HACD1: variants seen among roughly 807,000 people sequenced by gnomAD.
HACD1 encodes 3-hydroxyacyl-CoA dehydratase 1.
HACD1 carries 41 observed loss-of-function variants against 32.0 expected under a neutral mutation model. The observed-to-expected ratio is 1.28, with a 90% CI of 1.00 to 1.66. The LOEUF is 1.66. Ranked by LOEUF, HACD1 falls within the 40% of genes most tolerant of loss-of-function variation. The pLI is 0.00. For missense variants in HACD1, 396 were observed against 380.1 expected (o/e 1.04, Z -0.35); for synonymous variants, 142 against 139.0 (o/e 1.02, Z -0.15).
chr10:17,596,003 T>C (rs1312818592), intron 5 of HACD1, among the ~76,000 whole-genome samples: 1 of 151,954 alleles, frequency 6.6e-6, no homozygotes, highest in Non-Finnish European at 1.5e-5. Context: ...ATAAATTTAA[T>C]TTAAAAAAAG....
chr10:17,605,530 A>G (rs868944641), intron 1 of HACD1, among the ~76,000 whole-genome samples: 4,923 of 149,656 alleles, frequency 0.033, 115 homozygotes, highest in Middle Eastern at 0.052. Flanking sequence ...ATCTCGGGAA[A>G]AAAAAAAAAA....
chr10:17,613,032 T>C (rs550899630), intron 1 of HACD1, among the ~76,000 whole-genome samples: 2 of 152,256 alleles, frequency 1.3e-5, no homozygotes, highest in African/African-American at 4.8e-5. Flanking sequence ...TAACAAGCTG[T>C]ATTTTACATT....
intron 5 of HACD1, chr10:17,599,085 A>G (rs555090777): frequency 2.1e-6 from 2 of 974,912 alleles, no homozygotes; most frequent in East Asian, 6.9e-5. Flanking sequence ...TTCACTCAAA[A>G]TATTTATTAA....
chr10:17,597,891 A>C (rs1345285769), intron 5 of HACD1, among the ~76,000 whole-genome samples: 6 of 152,194 alleles, frequency 3.9e-5, no homozygotes, highest in African/African-American at 1.2e-4. Context: ...ATAATTTCAA[A>C]GTATCTCATC....
At chr10:17,594,937 C>A (rs1196048627) in intron 5 of HACD1, among the ~76,000 whole-genome samples, 3 of 151,748 alleles carry the variant, frequency 2.0e-5, no homozygotes, top group Non-Finnish European at 4.4e-5. Context: ...TGGGTCACTG[C>A]AACCTCCACC....
At chr10:17,608,305 G>A (rs1028654889) in intron 1 of HACD1, among the ~76,000 whole-genome samples, 4 of 152,158 alleles carry the variant, frequency 2.6e-5, no homozygotes, top group South Asian at 2.1e-4. Context: ...TGGGATTACC[G>A]GTGTGAGCCA....
intron 6 of HACD1, among the ~76,000 whole-genome samples, chr10:17,593,981 T>A (rs986075116): frequency 4.6e-5 from 7 of 152,220 alleles, no homozygotes; most frequent in Non-Finnish European, 1.0e-4. Context: ...AAAGCAATAA[T>A]CCATGCGTTA....
rs565842287 is a variant in HACD1 at position 17,590,438 on chromosome 10, G to A, written c.793C>T (p.Gln265Ter). Residue 265 changes from glutamine (Q) to a stop codon, truncating the protein, a stop_gained, in exon 7 of 7, where the codon CAA (glutamine) becomes TAA (stop). Coordinates refer to ENST00000361271, the MANE Select transcript of HACD1 (RefSeq NM_014241.4). LOFTEE classifies it high-confidence loss of function. Reference sequence around the variant, plus strand: ...TGACGTAACATATGAAAATAGAGTTGTGGAAACACTTCATTGAAAAAGAAA... The same window carrying A: ...TGACGTAACATATGAAAATAGAGTTATGGAAACACTTCATTGAAAAAGAAA... ...TMASYIPLFP[Q>*]LYFHMLRQRR... is the part of the protein sequence containing the mutation. The A allele has an allele frequency of 1.2e-5, 19 of 1,584,794 alleles. No individual in the cohort carries two copies. The highest frequency in any genetic ancestry group is 1.5e-5 in the Non-Finnish European group (18 of 1,161,872).
At chr10:17,590,552 C>A in intron 6 of HACD1, 106 bp from the exon 7 acceptor site, 1 of 703,102 alleles carries the variant, frequency 1.4e-6, no homozygotes, top group South Asian at 2.2e-5. Flanking sequence ...CATCCCATAC[C>A]ACTGCTGTTC....
chr10:17,602,701 A>G (rs1834088210), intron 4 of HACD1, among the ~76,000 whole-genome samples: 1 of 152,152 alleles, frequency 6.6e-6, no homozygotes, highest in Non-Finnish European at 1.5e-5. Context: ...CAATTTTCAA[A>G]TATACAATAC....
At chr10:17,614,404 G>A (rs1287706628) in intron 1 of HACD1, among the ~76,000 whole-genome samples, 1 of 152,284 alleles carries the variant, frequency 6.6e-6, no homozygotes, top group South Asian at 2.1e-4. Context: ...TTACAGGCCT[G>A]TGCCACCATG....
intron 6 of HACD1, among the ~76,000 whole-genome samples, chr10:17,592,659 C>G (rs1833943848): frequency 6.6e-6 from 1 of 152,050 alleles, no homozygotes; most frequent in Non-Finnish European, 1.5e-5. Flanking sequence ...GGAAGAGAAC[C>G]CACTGTTTGA....
At chr10:17,597,471 T>G (rs570724682) in intron 5 of HACD1, among the ~76,000 whole-genome samples, 16 of 152,308 alleles carry the variant, frequency 1.1e-4, no homozygotes, top group African/African-American at 3.1e-4. Flanking sequence ...ACAGCAAATT[T>G]AAACATACGA....
rs782459452 is a variant in HACD1 at position 17,589,351 on chromosome 10, T to C, written c.*1013A>G. On this transcript the variant is annotated 3_prime_UTR_variant, in exon 7 of 7. Coordinates refer to ENST00000361271, the MANE Select transcript of HACD1 (RefSeq NM_014241.4). ...AGGCTTAAGTACAGTGGTACCATCA[T>C]AGCTCATTGTAACCTTGAATTCCTG... is the stretch of plus-strand genomic sequence containing the variant. 19 of 152,262 alleles carry C rather than the reference T, an allele frequency of 1.2e-4. No homozygotes were observed. The highest frequency in any genetic ancestry group is 6.5e-5 in the Admixed American group (1 of 15,270). The allele number at this position is 152,262 out of a possible 1,614,324, so 9.4% of individuals were successfully genotyped here. A position where few individuals can be genotyped will look rare whatever the true frequency, so the allele number is the denominator to read the frequency against.
At chr10:17,614,653 T>C (rs1332280403) in intron 1 of HACD1, among the ~76,000 whole-genome samples, 1 of 151,426 alleles carries the variant, frequency 6.6e-6, no homozygotes, top group Non-Finnish European at 1.5e-5. Flanking sequence ...GGGTTGGGGC[T>C]GTAGTAAGCA....
chr10:17,605,530 A>AGG lies in HACD1; in HGVS notation c.258-1484_258-1483insCC, dbSNP rs1564509332. On this transcript the variant is annotated intron_variant, in intron 1 of 6. Coordinates refer to ENST00000361271, the MANE Select transcript of HACD1 (RefSeq NM_014241.4). ...ACAGAGCAAGACTCCATCTCGGGAA[A>AGG]AAAAAAAAAAAAGTCATCAATTAAT... Among the ~76,000 whole-genome samples the AGG allele has an allele frequency of 5.6e-3, 842 of 149,716 alleles. 7 individuals carry two copies. Among genetic ancestry groups the AGG allele is most frequent in the African/African-American group, 0.019 (782 of 40,558 alleles).
intron 6 of HACD1, among the ~76,000 whole-genome samples, chr10:17,593,538 C>A (rs1833956329): frequency 6.6e-6 from 1 of 152,234 alleles, no homozygotes; most frequent in Admixed American, 6.5e-5. Flanking sequence ...TGGTCTCGAA[C>A]TCCTGACCTC....
chr10:17,591,486 G>A (rs1057213497), intron 6 of HACD1, among the ~76,000 whole-genome samples: 1 of 152,016 alleles, frequency 6.6e-6, no homozygotes, highest in Non-Finnish European at 1.5e-5. Context: ...CTCCTGGCTG[G>A]GTGTAAGGGT....
chr10:17,590,369 C>T lies in HACD1; in HGVS notation c.862G>A (p.Asp288Asn). The T allele has an allele frequency of 6.3e-7, 1 of 1,587,536 alleles. No homozygotes were observed. The highest frequency in any genetic ancestry group is 8.6e-7 in the Non-Finnish European group (1 of 1,161,922). ...ACCTTGTTTGCAGAGATCATTTAAT[C>T]ATCCTTTTCTACAATCACCTCTCCA... ...LHGEVIVEKDD is the reference protein window; with the variant it reads ...LHGEVIVEKDN The change falls in exon 7 of 7, where the codon GAT becomes AAT. Residue 288 changes from aspartate to asparagine, a missense_variant. Asp to Asn is a conservative substitution (Grantham distance 23). Transcript: ENST00000361271.
Sources: gnomAD v4.1 joint callset for allele counts (sites outside exome capture counted in the v4.1 genomes callset) on GRCh38, gnomAD v4.1.1 for gene constraint, MANE v1.5 for transcripts, NCBI Gene and HGNC (gene_info 2026-07-23, HGNC 2026-07-21) for gene names.